Variants in RYR3 observed in about 807,000 individuals in gnomAD.
The protein encoded by RYR3 is ryanodine receptor 3, also known as brain ryanodine receptor-calcium release channel.
In RYR3, 207 loss-of-function variants were observed where a neutral mutation model predicts 584.3. The observed-to-expected ratio is 0.35, with a 90% CI of 0.32 to 0.40. RYR3 has a LOEUF of 0.40. RYR3 is among the 10% of genes least tolerant of loss of function. The pLI is 1.00. For synonymous variants in RYR3, 2,416 were observed against 2,248.5 expected, an observed-to-expected ratio of 1.07 and a Z score of -2.11; for missense variants, 5,616 against 6,089.2, an observed-to-expected ratio of 0.92 and a Z score of 2.59.
At chr15:33,322,238 G>A (rs988205997) in intron 1 of RYR3, among the ~76,000 whole-genome samples, 2 of 152,180 alleles carry the variant, frequency 1.3e-5, no homozygotes, top group African/African-American at 2.4e-5. Flanking sequence ...ATGGCTCTGC[G>A]GGCTGCCCAA....
chr15:33,622,522 T>C (rs1463776057), intron 19 of RYR3, among the ~76,000 whole-genome samples: 1 of 152,212 alleles, frequency 6.6e-6, no homozygotes, highest in East Asian at 1.9e-4. Flanking sequence ...AATCAGTAAT[T>C]AACGCCTATT....
intron 1 of RYR3, among the ~76,000 whole-genome samples, chr15:33,460,733 G>C (rs1287084426): frequency 6.6e-6 from 1 of 152,022 alleles, no homozygotes; most frequent in Non-Finnish European, 1.5e-5. Context: ...CTGTAAAATG[G>C]GCATAATGAC....
At chr15:33,841,440 C>T (rs547234895) in intron 90 of RYR3, among the ~76,000 whole-genome samples, 3 of 152,140 alleles carry the variant, frequency 2.0e-5, no homozygotes, top group Non-Finnish European at 4.4e-5. Context: ...GGCCAGATGA[C>T]TTTGCAACTT....
chr15:33,466,148 T>C (rs1355172168), intron 1 of RYR3, among the ~76,000 whole-genome samples: 1 of 152,114 alleles, frequency 6.6e-6, no homozygotes, highest in African/African-American at 2.4e-5. Context: ...AAAATACACC[T>C]GTTTTTTAAA....
At chr15:33,703,218 G>A (rs2066434442) in intron 42 of RYR3, among the ~76,000 whole-genome samples, 1 of 152,138 alleles carries the variant, frequency 6.6e-6, no homozygotes, top group Non-Finnish European at 1.5e-5. Flanking sequence ...ATTACTGAGG[G>A]CCTATCATGA....
chr15:33,637,478 G>A (rs1046246605), intron 27 of RYR3, among the ~76,000 whole-genome samples: 4 of 152,186 alleles, frequency 2.6e-5, no homozygotes, highest in Non-Finnish European at 4.4e-5. Flanking sequence ...AGACCTGGAC[G>A]CTCACCTGCC....
At chr15:33,618,492 A>T (rs2060561207) in intron 19 of RYR3, among the ~76,000 whole-genome samples, 1 of 152,044 alleles carries the variant, frequency 6.6e-6, no homozygotes, top group Non-Finnish European at 1.5e-5. Flanking sequence ...ATCAAACACT[A>T]GCCAGAAAGA....
intron 1 of RYR3, among the ~76,000 whole-genome samples, chr15:33,334,070 T>C (rs1312705075): frequency 6.6e-6 from 1 of 152,206 alleles, no homozygotes; most frequent in Non-Finnish European, 1.5e-5. Flanking sequence ...TGCTCATGGA[T>C]AGGAAGAATC....
chr15:33,455,495 G>A (rs994809846), intron 1 of RYR3, among the ~76,000 whole-genome samples: 1 of 148,458 alleles, frequency 6.7e-6, no homozygotes, highest in Non-Finnish European at 1.5e-5. Flanking sequence ...TTCAGGAGAG[G>A]AGTACGTGCC....
At chr15:33,835,200 G>GA (rs2077962442) in intron 87 of RYR3, 128 bp downstream of exon 87, 10 of 697,286 alleles carry the variant, frequency 1.4e-5, no homozygotes, top group Non-Finnish European at 2.3e-5. Flanking sequence ...TTAGGTCTCA[G>GA]TTTTTTAAAC....
At chr15:33,818,761 C>T (rs1341195980) in intron 76 of RYR3, 77 bp downstream of exon 76, 15 of 1,031,244 alleles carry the variant, frequency 1.5e-5, no homozygotes, top group South Asian at 4.3e-5. Context: ...TTCTCTCAGA[C>T]GGCAGTGGGT....
chr15:33,463,190 C>T (rs1009980244), intron 1 of RYR3, among the ~76,000 whole-genome samples: 3 of 151,820 alleles, frequency 2.0e-5, no homozygotes, highest in Admixed American at 2.0e-4. Context: ...TTTTTCAGAG[C>T]AATGTTAGAA....
chr15:33,471,271 A>G (rs2572189), intron 1 of RYR3, among the ~76,000 whole-genome samples: 70,243 of 151,966 alleles, frequency 0.46, 16,946 homozygotes, highest in Middle Eastern at 0.56. Flanking sequence ...AGAAGCATCA[A>G]TTTGGCCCAG....
Position 33,657,905 on chromosome 15 carries a change from A to G in RYR3, c.4309-1815A>G, listed in dbSNP as rs370886454. 7.0e-4 allele frequency among the ~76,000 whole-genome samples: 106 copies of G among 152,332 alleles called. 1 individual carries two copies. Among genetic ancestry groups the G allele is most frequent in the African/African-American group, 2.3e-3 (96 of 41,584 alleles). On this transcript the variant is annotated intron_variant, in intron 32 of 103. Coordinates refer to ENST00000634891, the MANE Select transcript of RYR3 (RefSeq NM_001036.6). ...ACAAATGATAGCACTAAATCATGCA[A>G]TCTTCTAAGTCACAGCCATAAAAAT...
At chr15:33,735,874 C>T (rs989998973) in intron 48 of RYR3, among the ~76,000 whole-genome samples, 36 of 152,312 alleles carry the variant, frequency 2.4e-4, no homozygotes, top group South Asian at 8.3e-4. Context: ...CCAGTTTCTC[C>T]CTCTGCAGAG....
chr15:33,814,812 A>C (rs2076722466), intron 74 of RYR3, among the ~76,000 whole-genome samples: 1 of 150,676 alleles, frequency 6.6e-6, no homozygotes, highest in Non-Finnish European at 1.5e-5. Flanking sequence ...GAGGCAGGAG[A>C]ATTGCTTGAA....
intron 1 of RYR3, among the ~76,000 whole-genome samples, chr15:33,384,372 C>T (rs978727367): frequency 6.6e-6 from 1 of 151,082 alleles, no homozygotes; most frequent in Admixed American, 6.6e-5. Flanking sequence ...CTTGGCTCCT[C>T]TGATTATAAT....
Position 33,835,544 on chromosome 15 carries a change from C to T in RYR3, c.11568+472C>T, listed in dbSNP as rs778382605. ...TCTCTCTGGCAAGATGAATCAGAAC[C>T]GCTCAGAGCATTTATTATGAACAAA... On this transcript the variant is annotated intron_variant, in intron 87 of 103. Transcript: ENST00000634891. Among the ~76,000 whole-genome samples, 7 of 152,168 alleles carry T rather than the reference C, an allele frequency of 4.6e-5. No homozygotes were observed. The East Asian group carries it at 7.7e-4, about 17-fold the overall frequency.
intron 57 of RYR3, among the ~76,000 whole-genome samples, chr15:33,752,344 G>C (rs147448062): frequency 0.015 from 2,234 of 152,242 alleles, 25 homozygotes; most frequent in Middle Eastern, 0.027. Context: ...TCTCAATATT[G>C]ATTCTTCCTA....
Sources: gnomAD v4.1 joint callset for allele counts (sites outside exome capture counted in the v4.1 genomes callset) on GRCh38, gnomAD v4.1.1 for gene constraint, MANE v1.5 for transcripts, NCBI Gene and HGNC (gene_info 2026-07-23, HGNC 2026-07-21) for gene names.